OSGEP: variants seen among roughly 807,000 people sequenced by gnomAD.
OSGEP encodes the protein tRNA N6-adenosine threonylcarbamoyltransferase.
Under a neutral mutation model 44.1 loss-of-function variants are expected in OSGEP, and 39 were observed. The observed-to-expected ratio is 0.88, with a 90% CI of 0.69 to 1.16. The LOEUF is 1.16. OSGEP is among the 50% of genes most tolerant of loss of function. The probability of loss-of-function intolerance (pLI) is 0.00; values close to 1 mark genes in which losing one functional copy is unlikely to be tolerated. For missense variants in OSGEP, 403 were observed against 443.1 expected (o/e 0.91, Z 0.81); for synonymous variants, 139 against 161.9 (o/e 0.86, Z 1.07).
chr14:20,452,079 C>A lies in OSGEP; in HGVS notation c.306G>T (p.Lys102Asn). 4 of 1,613,908 alleles carry A rather than the reference C, an allele frequency of 2.5e-6. No individual in the cohort carries two copies. The highest frequency in any genetic ancestry group is 3.4e-6 in the Non-Finnish European group (4 of 1,179,986). ...VARTVAQLWNKPLVGVNHCIG... is the reference protein window; with the variant it reads ...VARTVAQLWNNPLVGVNHCIG... ...TACAGTGGTTCACACCCACCAATGGCTTATTCCACAGTTGGGCCACAGTAC... is the reference window on the plus strand; with the variant it reads ...TACAGTGGTTCACACCCACCAATGGATTATTCCACAGTTGGGCCACAGTAC... The change falls in exon 3 of 11, where the codon AAG (lysine) becomes AAT (asparagine). Residue 102 changes from lysine (K) to asparagine (N), a missense_variant. Lys to Asn is a moderately conservative substitution (Grantham distance 94, BLOSUM62 0). Transcript: ENST00000206542.
At chr14:20,453,620 G>A (rs1226474104) in intron 1 of OSGEP, among the ~76,000 whole-genome samples, 2 of 151,882 alleles carry the variant, frequency 1.3e-5, no homozygotes, top group Admixed American at 6.5e-5. Flanking sequence ...TGCCTGCCTT[G>A]GCCTCCCAAA....
In OSGEP at chr14:20,449,244, C is replaced by T. The variant is rs138925511; in HGVS notation, c.434G>A (p.Arg145His). 35 of 1,610,778 alleles carry T rather than the reference C, an allele frequency of 2.2e-5. No homozygotes were observed. The highest frequency in any genetic ancestry group is 1.3e-4 in the African/African-American group (10 of 74,844). ...GATGGTTTCCCCAAAGATACGGTAA[C>T]GATGTTCCGAGTATGCAATCACCTA... Reference protein sequence around the residue: ...NTQVIAYSEHRYRIFGETIDI... With the variant: ...NTQVIAYSEHHYRIFGETIDI... The change falls in exon 4 of 11, where the codon CGT becomes CAT. Residue 145 changes from arginine (R) to histidine (H), a missense_variant. Coordinates refer to ENST00000206542, the MANE Select transcript of OSGEP (RefSeq NM_017807.4).
intron 1 of OSGEP, among the ~76,000 whole-genome samples, chr14:20,452,910 A>T (rs372112851): frequency 6.6e-5 from 10 of 151,870 alleles, no homozygotes; most frequent in Non-Finnish European, 5.9e-5. Flanking sequence ...GGGTTTCACC[A>T]TATTGGCCAG....
rs1296539998 is a variant in OSGEP at position 20,448,739 on chromosome 14, G to A, written c.630C>T (p.Phe210=). 6.2e-7 allele frequency: 1 copy of A among 1,610,518 alleles called. No individual in the cohort carries two copies. Among genetic ancestry groups the A allele is most frequent in the East Asian group, 2.2e-5 (1 of 44,884 alleles). The change falls in exon 6 of 11, where the codon TTC becomes TTT. Residue 210 remains phenylalanine, a synonymous_variant. Coordinates refer to ENST00000206542, the MANE Select transcript of OSGEP (RefSeq NM_017807.4). The stretch of plus-strand genomic sequence containing the variant: ...CATCACCTCTCACACTCACCTCAAT[G>A]AAAGACAGGATCCCTGAGAATGAGA... ...MDVSFSGILS[F]IEDVAHRMLA...
chr14:20,450,498 G>A (rs1005991388), intron 3 of OSGEP: 4 of 148,976 alleles, frequency 2.7e-5, no homozygotes, highest in Non-Finnish European at 5.9e-5. Context: ...AACATTAAAA[G>A]AGAAGAGGAA....
chr14:20,449,672 G>A (rs949569120), intron 3 of OSGEP: 2 of 229,494 alleles, frequency 8.7e-6, no homozygotes, highest in Admixed American at 5.2e-5. Flanking sequence ...ACAGGGTCTC[G>A]CTCTGTCTCC....
At position 20,454,446 on chromosome 14, in the gene OSGEP, A is replaced by G. The variant is rs952471075; in HGVS notation, c.115+123T>C. The stretch of plus-strand genomic sequence containing the variant: ...TAGTCATCAGCCTTGTGACGTTAAT[A>G]ATGTCACATAATTTCAATGAGACTC... On this transcript the variant is annotated intron_variant, in intron 1 of 10. Coordinates refer to ENST00000206542, the MANE Select transcript of OSGEP (RefSeq NM_017807.4). 14 of 789,572 alleles carry G rather than the reference A, an allele frequency of 1.8e-5. No individual in the cohort carries two copies. The Middle Eastern group carries it at 6.8e-4, about 38-fold the overall frequency. 48.9% of individuals were successfully genotyped at this position (789,572 alleles called of 1,614,324 possible). A position where few individuals can be genotyped will look rare whatever the true frequency, so the allele number is the denominator to read the frequency against.
intron 6 of OSGEP, among the ~76,000 whole-genome samples, chr14:20,448,443 C>T (rs1463906834): frequency 6.6e-6 from 1 of 152,148 alleles, no homozygotes; most frequent in African/African-American, 2.4e-5. Flanking sequence ...TCATCTGGCA[C>T]TTCATTATTT....
chr14:20,454,370 T>C (rs1259534087), intron 1 of OSGEP, among the ~76,000 whole-genome samples, 199 bp downstream of exon 1: 1 of 152,180 alleles, frequency 6.6e-6, no homozygotes, highest in Non-Finnish European at 1.5e-5. Context: ...ATGCGCTCAG[T>C]AAAAGGTAAA....
At chr14:20,454,420 C>G (rs1881202190) in intron 1 of OSGEP, 149 bp downstream of exon 1, 6 of 733,828 alleles carry the variant, frequency 8.2e-6, no homozygotes, top group Non-Finnish European at 1.5e-5. Flanking sequence ...TGTAACTCTT[C>G]TAGTCATCAG....
chr14:20,453,462 G>A (rs3094276), intron 1 of OSGEP, among the ~76,000 whole-genome samples: 13 of 152,104 alleles, frequency 8.5e-5, no homozygotes, highest in Admixed American at 2.6e-4. Flanking sequence ...TGTCTCCCGG[G>A]TTCACGCAAT....
Position 20,449,436 on chromosome 14 carries a change from G to A in OSGEP, c.412-170C>T, listed in dbSNP as rs1036580712. ...GGTAGTTTTTACAGCTCTGATTTGA[G>A]AAGAAATCTGTATACCCTGAGGATT... is the stretch of plus-strand genomic sequence containing the variant. On this transcript the variant is annotated intron_variant, in intron 3 of 10. Transcript: ENST00000206542. 4 of 604,630 alleles carry A rather than the reference G, an allele frequency of 6.6e-6. No individual in the cohort carries two copies. In the Admixed American group the frequency reaches 8.0e-5, roughly 12 times the overall value. 37.5% of individuals were successfully genotyped at this position (604,630 alleles called of 1,614,324 possible).
chr14:20,447,233 G>C lies in OSGEP; in HGVS notation c.*7C>G. On this transcript the variant is annotated 3_prime_UTR_variant, in exon 11 of 11. Transcript: ENST00000206542. ...AGGAACTATCTACTCTGATTCTGTT[G>C]ATCTTATTAGTCCCTCCAGGTCACC... 1 of 1,612,400 alleles carries C rather than the reference G, an allele frequency of 6.2e-7. No individual in the cohort carries two copies. The highest frequency in any genetic ancestry group is 8.5e-7 in the Non-Finnish European group (1 of 1,178,418).
In OSGEP at chr14:20,447,661, T is replaced by C. The variant is rs1880982832; in HGVS notation, c.823A>G (p.Thr275Ala). The change falls in exon 9 of 11, where the codon ACA becomes GCA. Residue 275 changes from threonine (T) to alanine (A), a missense_variant. By Grantham distance (58) the Thr-to-Ala change is moderately conservative. Coordinates refer to ENST00000206542, the MANE Select transcript of OSGEP (RefSeq NM_017807.4). ...CGGGCTCCACGTTCCTGGCACATTGTTGCCATCATCTCCTGTAGCCTCACA... is the reference window on the plus strand; with the variant it reads ...CGGGCTCCACGTTCCTGGCACATTGCTGCCATCATCTCCTGTAGCCTCACA... Reference protein sequence around the residue: ...CNVRLQEMMATMCQERGARLF... With the variant: ...CNVRLQEMMAAMCQERGARLF... 5 of 1,614,058 alleles carry C rather than the reference T, an allele frequency of 3.1e-6. No individual in the cohort carries two copies. The highest frequency in any genetic ancestry group is 1.3e-5 in the African/African-American group (1 of 75,062).
intron 6 of OSGEP, 73 bp from the exon 7 acceptor site, chr14:20,448,244 C>T (rs904633862): frequency 4.3e-6 from 5 of 1,170,146 alleles, no homozygotes; most frequent in Admixed American, 1.7e-5. Flanking sequence ...AAAATTAATG[C>T]ATTCGGAGGG....
intron 10 of OSGEP, 36 bp downstream of exon 10, chr14:20,447,386 C>A: frequency 1.2e-6 from 2 of 1,604,868 alleles, no homozygotes; most frequent in South Asian, 2.2e-5. Context: ...GTCTATGTCC[C>A]AATAATCTAC....
intron 6 of OSGEP, 47 bp from the exon 7 acceptor site, chr14:20,448,218 G>T: frequency 6.5e-7 from 1 of 1,530,206 alleles, no homozygotes; most frequent in Non-Finnish European, 9.1e-7. Flanking sequence ...CATGGTTTTG[G>T]GATTACACGA....
At position 20,454,723 on chromosome 14, in the gene OSGEP, A is replaced by G. The variant is rs747518081; in HGVS notation, c.-40T>C. 7 of 1,462,136 alleles carry G rather than the reference A, an allele frequency of 4.8e-6. No individual in the cohort carries two copies. Among genetic ancestry groups the G allele is most frequent in the Non-Finnish European group, 5.7e-6 (6 of 1,043,912 alleles). 90.6% of individuals were successfully genotyped at this position (1,462,136 alleles called of 1,614,324 possible). On this transcript the variant is annotated 5_prime_UTR_variant, in exon 1 of 11. Transcript: ENST00000206542. ...GAAAACGCCGACAGGACTCCTGGCA[A>G]TGTCAGGAGCTGTGGAGGTCCTCAC... is the stretch of plus-strand genomic sequence containing the variant.
chr14:20,454,434 T>C (rs1301367253), intron 1 of OSGEP, 135 bp downstream of exon 1: 1 of 770,422 alleles, frequency 1.3e-6, no homozygotes. Flanking sequence ...TCATCAGCCT[T>C]GTGACGTTAA....
Sources: gnomAD v4.1 joint callset for allele counts (sites outside exome capture counted in the v4.1 genomes callset) on GRCh38, gnomAD v4.1.1 for gene constraint, MANE v1.5 for transcripts, NCBI Gene and HGNC (gene_info 2026-07-23, HGNC 2026-07-21) for gene names.